Variants in SLC39A12 observed in about 807,000 individuals in gnomAD.
SLC39A12 encodes solute carrier family 39 member 12.
In SLC39A12, 63 loss-of-function variants were observed where a neutral mutation model predicts 71.1. The observed-to-expected ratio is 0.89, with a 90% CI of 0.72 to 1.09. The LOEUF (loss-of-function observed/expected upper bound fraction) is 1.09, where lower values mean the gene tolerates loss of function less well. SLC39A12 is among the 50% of genes least tolerant of loss of function. The pLI, the probability that SLC39A12 is intolerant of heterozygous loss-of-function variation, is 0.00. For missense variants in SLC39A12, 892 were observed against 812.6 expected, an observed-to-expected ratio of 1.10 and a Z score of -1.19; for synonymous variants, 351 against 301.3, an observed-to-expected ratio of 1.16 and a Z score of -1.71.
intron 11 of SLC39A12, 186 bp from the exon 12 acceptor site, chr10:18,002,985 A>G (rs1835878574): frequency 3.7e-6 from 2 of 545,616 alleles, no homozygotes; most frequent in East Asian, 3.0e-5. Flanking sequence ...GCAACTTCCT[A>G]ATAGTACGAT....
At chr10:17,988,449 C>T (rs73607821) in intron 7 of SLC39A12, among the ~76,000 whole-genome samples, 9,060 of 152,218 alleles carry the variant, frequency 0.06, 884 homozygotes, top group African/African-American at 0.2. Flanking sequence ...TGATTGGAAG[C>T]TTCCTGAGGC....
chr10:18,026,585 G>A (rs1429371433), intron 12 of SLC39A12, among the ~76,000 whole-genome samples: 3 of 151,950 alleles, frequency 2.0e-5, no homozygotes. Context: ...CATTAATTTG[G>A]AGAAATTCTC....
chr10:17,956,859 ACTT>A (rs1180035702), intron 2 of SLC39A12, among the ~76,000 whole-genome samples: 2 of 152,248 alleles, frequency 1.3e-5, no homozygotes, highest in Admixed American at 6.5e-5. Flanking sequence ...TCAGTTAAAA[ACTT>A]CTTGTCAGTC....
intron 1 of SLC39A12, 35 bp from the exon 2 acceptor site, chr10:17,953,156 A>G: frequency 3.1e-6 from 4 of 1,274,656 alleles, no homozygotes; most frequent in Non-Finnish European, 4.4e-6. Flanking sequence ...TGCAGGCACA[A>G]TAATTGAAGG....
intron 10 of SLC39A12, among the ~76,000 whole-genome samples, chr10:17,999,936 T>G (rs891405857): frequency 2.3e-4 from 35 of 152,296 alleles, no homozygotes; most frequent in Non-Finnish European, 2.1e-4. Flanking sequence ...CTGACTCAAA[T>G]GAACAGCTTT....
At chr10:17,999,827 TG>T (rs1427060264) in intron 10 of SLC39A12, among the ~76,000 whole-genome samples, 1 of 152,048 alleles carries the variant, frequency 6.6e-6, no homozygotes, top group Non-Finnish European at 1.5e-5. Context: ...GGGGAGTGAA[TG>T]GGGCGCTTCA....
intron 2 of SLC39A12, among the ~76,000 whole-genome samples, chr10:17,957,007 C>G (rs10827910): frequency 0.28 from 42,863 of 151,948 alleles, 6,287 homozygotes; most frequent in South Asian, 0.4. Flanking sequence ...AGCCACCCCC[C>G]ACCTCCGGAA....
chr10:18,015,869 A>AT (rs927713938), intron 12 of SLC39A12, among the ~76,000 whole-genome samples: 85 of 150,692 alleles, frequency 5.6e-4, no homozygotes, highest in African/African-American at 1.4e-3. Flanking sequence ...TGAAAAATGG[A>AT]TTTTTTTTTG....
At chr10:17,993,858 A>G (rs996475062) in intron 9 of SLC39A12, among the ~76,000 whole-genome samples, 45 of 152,256 alleles carry the variant, frequency 3.0e-4, no homozygotes, top group Non-Finnish European at 6.0e-4. Flanking sequence ...TGCTTTAAGT[A>G]AGAAGTATAG....
intron 2 of SLC39A12, among the ~76,000 whole-genome samples, chr10:17,961,188 A>T (rs1186870789): frequency 2.6e-5 from 4 of 152,336 alleles, no homozygotes; most frequent in African/African-American, 7.2e-5. Flanking sequence ...GTTGAGTGAG[A>T]TGCTGGACCA....
Position 17,965,363 on chromosome 10 carries a change from T to A in SLC39A12, c.544-120T>A. 3 of 793,432 alleles carry A rather than the reference T, an allele frequency of 3.8e-6. No homozygotes were observed. The South Asian group carries it at 5.4e-5, about 14-fold the overall frequency. 49.1% of individuals were successfully genotyped at this position (793,432 alleles called of 1,614,324 possible). A position where few individuals can be genotyped will look rare whatever the true frequency, so the allele number is the denominator to read the frequency against. On this transcript the variant is annotated intron_variant, in intron 3 of 12. Transcript: ENST00000377369. ...AAAGATGATAGTCATATTCCTCAAA[T>A]GATTCAATTTTCTTTTAGAAAAACA...
intron 12 of SLC39A12, among the ~76,000 whole-genome samples, chr10:18,024,424 C>T (rs1204048797): frequency 6.6e-6 from 1 of 152,080 alleles, no homozygotes; most frequent in Non-Finnish European, 1.5e-5. Flanking sequence ...AAGAGTGGGT[C>T]CCCAGGCACT....
intron 12 of SLC39A12, among the ~76,000 whole-genome samples, chr10:18,011,423 C>T (rs1024744791): frequency 1.3e-5 from 2 of 152,166 alleles, no homozygotes; most frequent in East Asian, 3.8e-4. Context: ...TTTCTTTTCT[C>T]TAGCTTACTT....
intron 6 of SLC39A12, among the ~76,000 whole-genome samples, chr10:17,982,041 G>T (rs1351089856): frequency 6.6e-6 from 1 of 152,080 alleles, no homozygotes; most frequent in Non-Finnish European, 1.5e-5. Context: ...ATCCTATAGG[G>T]CTGCCTTTCT....
chr10:18,019,160 A>G lies in SLC39A12; in HGVS notation c.1947+15802A>G, dbSNP rs539072381. ...TTCAGGGAATTGGTCCATTTCATCT[A>G]TGTTATCAAATTTGGGGGCATAGAG... On this transcript the variant is annotated intron_variant, in intron 12 of 12. Coordinates refer to ENST00000377369, the MANE Select transcript of SLC39A12 (RefSeq NM_001145195.2). Among the ~76,000 whole-genome samples the G allele has an allele frequency of 3.1e-3, 468 of 152,142 alleles. 5 individuals are homozygous for G. Among genetic ancestry groups the G allele is most frequent in the African/African-American group, 0.01 (424 of 41,550 alleles).
chr10:17,999,795 G>A (rs780356924), intron 10 of SLC39A12, among the ~76,000 whole-genome samples: 2 of 152,154 alleles, frequency 1.3e-5, no homozygotes, highest in Admixed American at 6.5e-5. Context: ...AACGTTGGTC[G>A]TGGTTCCGTT....
chr10:18,027,671 A>T (rs1298916025), intron 12 of SLC39A12, among the ~76,000 whole-genome samples: 1 of 152,178 alleles, frequency 6.6e-6, no homozygotes, highest in Non-Finnish European at 1.5e-5. Flanking sequence ...TGCTCTGGTA[A>T]GTTGTGATTG....
At chr10:18,007,469 G>A (rs1305188252) in intron 12 of SLC39A12, among the ~76,000 whole-genome samples, 2 of 152,150 alleles carry the variant, frequency 1.3e-5, no homozygotes. Context: ...TCCTAATCCA[G>A]ACCCCAAGAG....
intron 2 of SLC39A12, among the ~76,000 whole-genome samples, chr10:17,955,472 T>C (rs1360951977): frequency 2.0e-5 from 3 of 152,154 alleles, no homozygotes; most frequent in Admixed American, 6.5e-5. Flanking sequence ...AACAGAGTCC[T>C]CTGAATTTCA....
Sources: allele counts gnomAD v4.1 joint callset (sites outside exome capture counted in the v4.1 genomes callset), GRCh38; gene constraint gnomAD v4.1.1; transcripts MANE v1.5; gene names NCBI Gene and HGNC (gene_info 2026-07-23, HGNC 2026-07-21).